Variants in SPTA1 observed in about 807,000 individuals in gnomAD.
SPTA1 encodes the protein spectrin alpha chain, erythrocytic 1.
A neutral mutation model predicts 324.7 loss-of-function variants in SPTA1; 177 were observed. The ratio of observed to expected loss-of-function variants is 0.55; its 90% confidence interval spans 0.48 to 0.62. SPTA1 has a LOEUF of 0.62. SPTA1 is among the 20% of genes least tolerant of loss of function. SPTA1 has a pLI of 0.00. For synonymous variants in SPTA1, 1,195 were observed against 1,041.3 expected, an observed-to-expected ratio of 1.15 and a Z score of -2.84; for missense variants, 3,162 against 2,883.6, an observed-to-expected ratio of 1.10 and a Z score of -2.21.
intron 42 of SPTA1, among the ~76,000 whole-genome samples, chr1:158,623,876 G>A (rs984105727): frequency 2.0e-5 from 3 of 152,190 alleles, no homozygotes; most frequent in Admixed American, 6.5e-5. Flanking sequence ...ACAGGTAGGG[G>A]TTCCTGGGCT....
chr1:158,620,037 G>T, intron 44 of SPTA1, 133 bp downstream of exon 44: 3 of 1,228,134 alleles, frequency 2.4e-6, no homozygotes, highest in South Asian at 2.5e-5. Context: ...TTCTTAGACA[G>T]TCATGTTTCA....
intron 21 of SPTA1, 137 bp from the exon 22 acceptor site, chr1:158,653,562 A>C: frequency 4.4e-6 from 5 of 1,139,776 alleles, no homozygotes; most frequent in Non-Finnish European, 6.3e-6. Context: ...TGAGTGGCAC[A>C]TAATTTTCAT....
At position 158,617,561 on chromosome 1, in the gene SPTA1, C is replaced by T; in HGVS notation, c.6576G>A (p.Leu2192=). Residue 2192 remains leucine, a synonymous_variant, in exon 47 of 52, where the codon CTG becomes CTA. Transcript: ENST00000643759. ...CTTTATTTGCTTCCAGCTGAGATTC[C>T]AGAGTTCCTGTTTCTTTGAGCAATG... ...DGSLLKETGT[L]ESQLEANKRK... is the part of the protein sequence containing the mutation. 1 of 1,613,532 alleles carries T rather than the reference C, an allele frequency of 6.2e-7. No homozygotes were observed.
Position 158,685,034 on chromosome 1 carries a change from A to G in SPTA1, c.264+74T>C, listed in dbSNP as rs888891308. On this transcript the variant is annotated intron_variant, in intron 2 of 51. Transcript: ENST00000643759. Reference sequence around the variant, plus strand: ...TACCCACACATACCCATTAACATTAACATAAAGAAAAACCTATTTCCTTCT... The same window carrying G: ...TACCCACACATACCCATTAACATTAGCATAAAGAAAAACCTATTTCCTTCT... 11 of 1,579,624 alleles carry G rather than the reference A, an allele frequency of 7.0e-6. No homozygotes were observed. In the African/African-American group the frequency reaches 1.5e-4, roughly 21 times the overall value.
chr1:158,678,614 A>C, intron 5 of SPTA1, 80 bp from the exon 6 acceptor site: 2 of 1,500,848 alleles, frequency 1.3e-6, no homozygotes, highest in Non-Finnish European at 9.1e-7. Flanking sequence ...TTCATTTTAC[A>C]TTAGTTCATA....
At chr1:158,634,776 C>A in intron 38 of SPTA1, 101 bp from the exon 39 acceptor site, 6 of 1,412,178 alleles carry the variant, frequency 4.2e-6, no homozygotes, top group South Asian at 1.2e-5. Context: ...CCAGCTTATT[C>A]TCACAAGGCA....
At chr1:158,678,305 A>G (rs1036836734) in intron 6 of SPTA1, 96 bp downstream of exon 6, 26 of 1,539,114 alleles carry the variant, frequency 1.7e-5, no homozygotes, top group Non-Finnish European at 2.3e-5. Flanking sequence ...AGTGTTGACC[A>G]TTAATTGCTA....
chr1:158,665,635 A>C (rs2101898820), intron 16 of SPTA1, among the ~76,000 whole-genome samples: 1 of 152,336 alleles, frequency 6.6e-6, no homozygotes, highest in Non-Finnish European at 1.5e-5. Flanking sequence ...TGGAGAAAAT[A>C]TCTCTGAAAC....
intron 16 of SPTA1, among the ~76,000 whole-genome samples, chr1:158,663,840 T>C (rs1349837856): frequency 6.6e-6 from 1 of 152,192 alleles, no homozygotes; most frequent in Non-Finnish European, 1.5e-5. Context: ...ATTCTGCACA[T>C]GTATCCCAGA....
intron 50 of SPTA1, 25 bp from the exon 51 acceptor site, chr1:158,612,986 T>A (rs1279955250): frequency 1.1e-5 from 18 of 1,612,902 alleles, no homozygotes; most frequent in Admixed American, 3.3e-5. Flanking sequence ...GATCAGGAGC[T>A]GAGCCTTCTC....
rs748917509 is a variant in SPTA1 at position 158,674,613 on chromosome 1, G to T, written c.1175C>A (p.Ala392Glu). ...LSGWMNEKTAAINADELPTDV... is the reference protein window; with the variant it reads ...LSGWMNEKTAEINADELPTDV... The stretch of plus-strand genomic sequence containing the variant: ...TGTTGGCAGCTCATCAGCATTGATC[G>T]CAGCAGTCTTCTCGTTCATCCAGCC... The change falls in exon 9 of 52, where the codon GCG becomes GAG. Residue 392 changes from alanine (A) to glutamate (E), a missense_variant. Ala to Glu is a moderately radical substitution (Grantham distance 107). Coordinates refer to ENST00000643759, the MANE Select transcript of SPTA1 (RefSeq NM_003126.4). 1.2e-6 allele frequency: 2 copies of T among 1,614,030 alleles called. No individual in the cohort carries two copies. Among genetic ancestry groups the T allele is most frequent in the South Asian group, 1.1e-5 (1 of 91,080 alleles).
At position 158,661,460 on chromosome 1, in the gene SPTA1, T is replaced by C. The variant is rs539539154; in HGVS notation, c.2465-51A>G. 7 of 1,612,468 alleles carry C rather than the reference T, an allele frequency of 4.3e-6. No homozygotes were observed. The South Asian group carries it at 6.6e-5, about 15-fold the overall frequency. On this transcript the variant is annotated intron_variant, in intron 17 of 51. Transcript: ENST00000643759. ...TTCGGATTATCCTGGTGTATGGAAGTAGCATACCTCACTTTTTTAGAACTC... is the reference window on the plus strand; with the variant it reads ...TTCGGATTATCCTGGTGTATGGAAGCAGCATACCTCACTTTTTTAGAACTC...
chr1:158,676,553 G>A (rs1654406954), intron 7 of SPTA1, among the ~76,000 whole-genome samples: 1 of 152,052 alleles, frequency 6.6e-6, no homozygotes. Flanking sequence ...CATGAGGTAG[G>A]AATTACTCTT....
chr1:158,634,239 G>T (rs1375872866), intron 39 of SPTA1, among the ~76,000 whole-genome samples: 1 of 152,148 alleles, frequency 6.6e-6, no homozygotes, highest in African/African-American at 2.4e-5. Flanking sequence ...TCTATAATCT[G>T]CAAGGAATCT....
At chr1:158,683,520 T>C in intron 2 of SPTA1, 24 bp from the exon 3 acceptor site, 3 of 1,612,354 alleles carry the variant, frequency 1.9e-6, no homozygotes, top group South Asian at 2.2e-5. Context: ...ATCAGAGTTT[T>C]TGTCTAATGA....
Position 158,677,960 on chromosome 1 carries a change from A to G in SPTA1, c.813-126T>C, listed in dbSNP as rs1467104964. Reference sequence around the variant, plus strand: ...GAGCAATTATCCTTTCTTCCTACATACTAGCAAAAAGTAATATAAAATGTT... The same window carrying G: ...GAGCAATTATCCTTTCTTCCTACATGCTAGCAAAAAGTAATATAAAATGTT... On this transcript the variant is annotated intron_variant, in intron 6 of 51. Coordinates refer to ENST00000643759, the MANE Select transcript of SPTA1 (RefSeq NM_003126.4). 5.1e-6 allele frequency: 6 copies of G among 1,170,410 alleles called. No homozygotes were observed. The African/African-American group carries it at 9.2e-5, about 18-fold the overall frequency. 72.5% of individuals were successfully genotyped at this position (1,170,410 alleles called of 1,614,324 possible). A position where few individuals can be genotyped will look rare whatever the true frequency, so the allele number is the denominator to read the frequency against.
In SPTA1 at chr1:158,636,052, T is replaced by G. The variant is rs1178549518; in HGVS notation, c.5311-18A>C. The G allele has an allele frequency of 1.9e-6, 3 of 1,614,084 alleles. No homozygotes were observed. The South Asian group carries it at 3.3e-5, about 18-fold the overall frequency. On this transcript the variant is annotated intron_variant, in intron 37 of 51. Transcript: ENST00000643759. ...AGCACATTCTGAAGAACAACCCCGATACATGTTCCATTACCCCACAATCTC... is the reference window on the plus strand; with the variant it reads ...AGCACATTCTGAAGAACAACCCCGAGACATGTTCCATTACCCCACAATCTC...
intron 42 of SPTA1, among the ~76,000 whole-genome samples, chr1:158,623,751 G>T (rs1387846313): frequency 1.3e-5 from 2 of 152,156 alleles, no homozygotes; most frequent in African/African-American, 2.4e-5. Flanking sequence ...CCCAGTCTTG[G>T]GTATGTCTTT....
At position 158,657,618 on chromosome 1, in the gene SPTA1, A is replaced by C. The variant is rs1268656676; in HGVS notation, c.2664T>G (p.Ala888=). 1 of 1,614,010 alleles carries C rather than the reference A, an allele frequency of 6.2e-7. No homozygotes were observed. The highest frequency in any genetic ancestry group is 8.5e-7 in the Non-Finnish European group (1 of 1,180,020). ...NQNMESLRAR[A]ARRQNDLEAN... ...CTTCAAGATCATTTTGTCGCCTAGC[A>C]GCTCGAGCACGGAGAGACTCCATAT... The change falls in exon 19 of 52, where the codon GCT becomes GCG. Residue 888 remains alanine (A), a synonymous_variant. Transcript: ENST00000643759.
Sources: gnomAD v4.1 joint callset for allele counts (sites outside exome capture counted in the v4.1 genomes callset) on GRCh38, gnomAD v4.1.1 for gene constraint, MANE v1.5 for transcripts, NCBI Gene and HGNC (gene_info 2026-07-23, HGNC 2026-07-21) for gene names.